The following WIPF3 variants were observed in gnomAD, a reference collection of about 807,000 sequenced individuals.
The protein encoded by WIPF3 is WAS/WASL interacting protein family member 3.
A neutral mutation model predicts 38.9 loss-of-function variants in WIPF3; 33 were observed. The ratio of observed to expected loss-of-function variants is 0.85; its 90% CI spans 0.64 to 1.14. WIPF3 has a LOEUF of 1.14. WIPF3 is among the 50% of genes most tolerant of loss of function. The probability of loss-of-function intolerance (pLI) is 0.00; values close to 1 mark genes in which losing one functional copy is unlikely to be tolerated. For synonymous variants in WIPF3, 324 were observed against 269.3 expected (o/e 1.20, Z -1.99); for missense variants, 711 against 652.5 (o/e 1.09, Z -0.98).
In WIPF3 at chr7:29,914,695, C is replaced by T. The variant is rs866273625; in HGVS notation, c.*179C>T. 6.6e-5 allele frequency: 29 copies of T among 440,180 alleles called. No homozygotes were observed. In the Middle Eastern group the frequency reaches 2.5e-3, roughly 37 times the overall value. The allele number at this position is 440,180 out of a possible 1,614,324, so 27.3% of individuals were successfully genotyped here. Reference sequence around the variant, plus strand: ...GCAGTATTTTAATTGACTTTTATTTCGGTAATATTTTTTAAAACACCCCTC... The same window carrying T: ...GCAGTATTTTAATTGACTTTTATTTTGGTAATATTTTTTAAAACACCCCTC... On this transcript the variant is annotated 3_prime_UTR_variant, in exon 9 of 9. Coordinates refer to ENST00000242140, the MANE Select transcript of WIPF3 (RefSeq NM_001080529.3).
intron 1 of WIPF3, among the ~76,000 whole-genome samples, chr7:29,811,129 G>A (rs1241807177): frequency 2.0e-5 from 3 of 151,998 alleles, no homozygotes; most frequent in Non-Finnish European, 2.9e-5. Flanking sequence ...GGATTTAAGC[G>A]ATCCTCCTGC....
chr7:29,831,794 C>T (rs1784727395), intron 1 of WIPF3, among the ~76,000 whole-genome samples: 1 of 152,118 alleles, frequency 6.6e-6, no homozygotes, highest in African/African-American at 2.4e-5. Context: ...AGAGAAAAGT[C>T]GTGGGCAGAA....
At position 29,839,451 on chromosome 7, in the gene WIPF3, G is replaced by A. The variant is rs2128066372; in HGVS notation, c.90+4637G>A. ...AAAGGGGAAAGTGTCTCTTTAAAAT[G>A]GATCAAACTTACCGTCACGTGTAAT... is the stretch of plus-strand genomic sequence containing the variant. On this transcript the variant is annotated intron_variant, in intron 2 of 8. Coordinates refer to ENST00000242140, the MANE Select transcript of WIPF3 (RefSeq NM_001080529.3). 1.3e-5 allele frequency among the ~76,000 whole-genome samples: 2 copies of A among 152,304 alleles called. 1 individual carries two copies. The highest frequency in any genetic ancestry group is 4.1e-4 in the South Asian group (2 of 4,822).
Position 29,875,961 on chromosome 7 carries a change from GAGTA to G in WIPF3, c.223+3_223+6del. The G allele has an allele frequency of 6.2e-7, 1 of 1,613,376 alleles. No individual in the cohort carries two copies. On this transcript the variant is annotated splice_donor_variant and splice_donor_region_variant and coding_sequence_variant and intron_variant, in exon 3 of 9. Coordinates refer to ENST00000242140, the MANE Select transcript of WIPF3 (RefSeq NM_001080529.3). LOFTEE classifies it high-confidence loss of function. The stretch of plus-strand genomic sequence containing the variant: ...ACGACCGCAGTGCCCCGCAGATCGA[GAGTA>G]AGTGAGCAGCCGGGCCAGGCCTCCT...
In WIPF3 at chr7:29,834,724, C is replaced by A; in HGVS notation, c.-1C>A. On this transcript the variant is annotated 5_prime_UTR_variant, in exon 2 of 9. Transcript: ENST00000242140. Reference sequence around the variant, plus strand: ...AGCAGGAGACATCAACACCGTGACACATGCCAGTGCCACCGCCACCCCCAC... The same window carrying A: ...AGCAGGAGACATCAACACCGTGACAAATGCCAGTGCCACCGCCACCCCCAC... The A allele has an allele frequency of 1.3e-6, 2 of 1,510,346 alleles. No homozygotes were observed. The highest frequency in any genetic ancestry group is 2.6e-5 in the South Asian group (2 of 75,704). The allele number at this position is 1,510,346 out of a possible 1,614,324, so 93.6% of individuals were successfully genotyped here.
At position 29,871,590 on chromosome 7, in the gene WIPF3, G is replaced by A. The variant is rs149567233; in HGVS notation, c.91-4240G>A. On this transcript the variant is annotated intron_variant, in intron 2 of 8. Transcript: ENST00000242140. ...ATTGGAAAGGTGAGGATGGCATATG[G>A]TGACAGGGTGCCAAATAGCAGGAGA... is the stretch of plus-strand genomic sequence containing the variant. 1.4e-3 allele frequency among the ~76,000 whole-genome samples: 220 copies of A among 152,296 alleles called. 1 individual carries two copies. The highest frequency in any genetic ancestry group is 2.4e-3 in the Non-Finnish European group (164 of 68,016).
chr7:29,821,243 C>G (rs892368247), intron 1 of WIPF3, among the ~76,000 whole-genome samples: 19 of 152,140 alleles, frequency 1.2e-4, no homozygotes, highest in African/African-American at 4.6e-4. Context: ...GTCTCCAAAA[C>G]TATATGATTT....
intron 7 of WIPF3, among the ~76,000 whole-genome samples, chr7:29,894,752 G>A (rs1429415982): frequency 7.4e-6 from 1 of 134,758 alleles, no homozygotes; most frequent in Non-Finnish European, 1.6e-5. Context: ...CTTGTTTGCT[G>A]TCTCTCTTTC....
intron 7 of WIPF3, among the ~76,000 whole-genome samples, chr7:29,891,467 TG>T (rs966240449): frequency 2.0e-5 from 3 of 152,224 alleles, no homozygotes; most frequent in Non-Finnish European, 4.4e-5. Context: ...TAACCCTGTG[TG>T]CCCTTTCTAA....
chr7:29,875,356 C>T (rs1000828113), intron 2 of WIPF3, among the ~76,000 whole-genome samples: 6 of 152,072 alleles, frequency 3.9e-5, no homozygotes, highest in Admixed American at 6.6e-5. Flanking sequence ...AGCAAGACTT[C>T]GGTCTTGCTC....
intron 2 of WIPF3, among the ~76,000 whole-genome samples, chr7:29,849,544 G>A (rs1044851835): frequency 6.6e-6 from 1 of 152,182 alleles, no homozygotes; most frequent in Non-Finnish European, 1.5e-5. Flanking sequence ...AGATATGGAA[G>A]AATTTTCACC....
Position 29,883,906 on chromosome 7 carries a change from A to G in WIPF3, c.412A>G (p.Lys138Glu). 1.3e-6 allele frequency: 2 copies of G among 1,581,684 alleles called. No individual in the cohort carries two copies. Among genetic ancestry groups the G allele is most frequent in the Non-Finnish European group, 8.6e-7 (1 of 1,163,080 alleles). ...CGCGCCCTCTCCCAGGCTTCCCAAC[A>G]AAACCATCAGCGGCCCGCTTATCCC... Reference protein sequence around the residue: ...SRAPSPRLPNKTISGPLIPPA... With the variant: ...SRAPSPRLPNETISGPLIPPA... Residue 138 changes from lysine (K) to glutamate (E), a missense_variant, in exon 5 of 9, where the codon AAA becomes GAA. Lys to Glu is a moderately conservative substitution (Grantham distance 56, BLOSUM62 1). Transcript: ENST00000242140.
At chr7:29,811,519 C>G (rs1334728068) in intron 1 of WIPF3, among the ~76,000 whole-genome samples, 4 of 152,002 alleles carry the variant, frequency 2.6e-5, no homozygotes, top group African/African-American at 9.7e-5. Context: ...CCAGAGCTTC[C>G]CAGCAGCCAA....
chr7:29,894,824 C>G (rs1021189788), intron 7 of WIPF3, among the ~76,000 whole-genome samples: 3 of 152,086 alleles, frequency 2.0e-5, no homozygotes, highest in Admixed American at 2.0e-4. Flanking sequence ...AGCTCTTCCA[C>G]TAGCCATCAT....
chr7:29,851,007 A>C (rs539301904), intron 2 of WIPF3, among the ~76,000 whole-genome samples: 1 of 152,320 alleles, frequency 6.6e-6, no homozygotes, highest in Admixed American at 6.5e-5. Context: ...GAACATACTA[A>C]GTGTTCAGTT....
intron 2 of WIPF3, among the ~76,000 whole-genome samples, chr7:29,865,299 T>C (rs1785366606): frequency 6.6e-6 from 1 of 152,166 alleles, no homozygotes. Context: ...ACTTGGCCAC[T>C]GGCAGACTGG....
At chr7:29,887,124 C>T (rs1785899573) in intron 5 of WIPF3, among the ~76,000 whole-genome samples, 1 of 152,172 alleles carries the variant, frequency 6.6e-6, no homozygotes, top group Admixed American at 6.5e-5. Context: ...TTCATCTGCT[C>T]CAGAGTAGTG....
chr7:29,902,857 G>A (rs969607348), intron 7 of WIPF3, among the ~76,000 whole-genome samples: 15 of 111,642 alleles, frequency 1.3e-4, no homozygotes, highest in Non-Finnish European at 2.1e-4. Context: ...AAAAAAGAGC[G>A]TGTTTTTTTT....
Position 29,883,942 on chromosome 7 carries a change from C to A in WIPF3, c.448C>A (p.Pro150Thr), listed in dbSNP as rs774669175. 6.3e-7 allele frequency: 1 copy of A among 1,581,554 alleles called. No homozygotes were observed. Among genetic ancestry groups the A allele is most frequent in the Non-Finnish European group, 8.6e-7 (1 of 1,163,778 alleles). ...CGGCCCGCTTATCCCGCCTGCCTCT[C>A]CCAGGCTAGGCAATACCTCCGAGGC... ...ISGPLIPPAS[P>T]RLGNTSEAHG... Residue 150 changes from proline (P) to threonine (T), a missense_variant, in exon 5 of 9, where the codon CCC becomes ACC. Physicochemically the swap from Pro to Thr is conservative, Grantham distance 38. Coordinates refer to ENST00000242140, the MANE Select transcript of WIPF3 (RefSeq NM_001080529.3).
Sources: allele counts gnomAD v4.1 joint callset (sites outside exome capture counted in the v4.1 genomes callset), GRCh38; gene constraint gnomAD v4.1.1; transcripts MANE v1.5; gene names NCBI Gene and HGNC (gene_info 2026-07-23, HGNC 2026-07-21).